ARID5B: variants seen among roughly 807,000 people sequenced by gnomAD.
ARID5B encodes the protein AT-rich interaction domain 5B.
ARID5B carries 13 observed loss-of-function variants against 97.2 expected under a neutral mutation model. The observed-to-expected ratio is 0.13, with a 90% CI of 0.09 to 0.21. The LOEUF (loss-of-function observed/expected upper bound fraction) is 0.21. Ranked by LOEUF, ARID5B falls within the 10% of genes least tolerant of loss-of-function variation. The pLI is 1.00. For synonymous variants in ARID5B, 556 were observed against 570.3 expected (o/e 0.97, Z 0.36); for missense variants, 1,210 against 1,465.3 (o/e 0.83, Z 2.84).
intron 8 of ARID5B, among the ~76,000 whole-genome samples, chr10:62,072,324 A>G (rs1321843925): frequency 6.6e-6 from 1 of 152,192 alleles, no homozygotes; most frequent in Non-Finnish European, 1.5e-5. Context: ...TGCATTGTGG[A>G]GTTGACACTT....
intron 2 of ARID5B, among the ~76,000 whole-genome samples, chr10:61,927,959 G>T (rs780202287): frequency 4.6e-5 from 7 of 152,198 alleles, no homozygotes; most frequent in African/African-American, 7.2e-5. Flanking sequence ...CATTAACAGA[G>T]GCCCTGGGCA....
intron 9 of ARID5B, among the ~76,000 whole-genome samples, chr10:62,086,639 T>G (rs1464233264): frequency 7.0e-6 from 1 of 142,896 alleles, no homozygotes; most frequent in African/African-American, 2.6e-5. Context: ...AGGCAGAGCT[T>G]GCAGTGAGCT....
At chr10:61,908,941 C>T (rs565972609) in intron 2 of ARID5B, among the ~76,000 whole-genome samples, 1 of 151,986 alleles carries the variant, frequency 6.6e-6, no homozygotes, top group South Asian at 2.1e-4. Context: ...TAAGTTGAGA[C>T]GAACTGAGAT....
chr10:62,010,814 C>G (rs371867809), intron 4 of ARID5B, among the ~76,000 whole-genome samples: 56 of 152,320 alleles, frequency 3.7e-4, no homozygotes, highest in African/African-American at 1.3e-3. Context: ...AGGTCACTAA[C>G]AACCTTTCCA....
At chr10:62,034,980 C>T (rs1037632241) in intron 4 of ARID5B, among the ~76,000 whole-genome samples, 1 of 152,166 alleles carries the variant, frequency 6.6e-6, no homozygotes, top group African/African-American at 2.4e-5. Flanking sequence ...GAGCCAGTAG[C>T]CCGGTGGGCT....
chr10:62,002,095 G>A (rs1278174508), intron 4 of ARID5B, among the ~76,000 whole-genome samples: 1 of 152,112 alleles, frequency 6.6e-6, no homozygotes, highest in Non-Finnish European at 1.5e-5. Context: ...CCTCATTTAA[G>A]AGTGTTCAAA....
intron 4 of ARID5B, among the ~76,000 whole-genome samples, chr10:62,018,115 C>G (rs769340584): frequency 2.0e-5 from 3 of 152,166 alleles, no homozygotes; most frequent in Non-Finnish European, 4.4e-5. Context: ...TTTAAATGAT[C>G]TCTGCAAGGT....
chr10:62,066,845 T>G (rs1018982976), intron 7 of ARID5B, among the ~76,000 whole-genome samples: 1 of 152,262 alleles, frequency 6.6e-6, no homozygotes, highest in East Asian at 1.9e-4. Flanking sequence ...TTTTCACAAT[T>G]TATATTATTT....
intron 8 of ARID5B, among the ~76,000 whole-genome samples, chr10:62,084,672 TC>T (rs1840258000): frequency 6.6e-6 from 1 of 152,242 alleles, no homozygotes; most frequent in South Asian, 2.1e-4. Context: ...ATGCAATCCA[TC>T]CCTTTTAATT....
chr10:62,080,376 T>G (rs1840196475), intron 8 of ARID5B, among the ~76,000 whole-genome samples: 1 of 152,164 alleles, frequency 6.6e-6, no homozygotes, highest in Non-Finnish European at 1.5e-5. Context: ...GAGGAAACAT[T>G]CTCATTTCTC....
chr10:61,948,380 A>ATTTTTTTTTTTTTTTTT lies in ARID5B; in HGVS notation c.502+7976_502+7992dup, dbSNP rs71470784. Among the ~76,000 whole-genome samples the ATTTTTTTTTTTTTTTTT allele has an allele frequency of 1.4e-4, 12 of 86,192 alleles. 1 individual carries two copies. The highest frequency in any genetic ancestry group is 1.5e-4 in the Non-Finnish European group (7 of 45,638). The allele number at this position is 86,192 out of a possible 152,430, so 56.5% of individuals were successfully genotyped here. A position where few individuals can be genotyped will look rare whatever the true frequency, so the allele number is the denominator to read the frequency against. On this transcript the variant is annotated intron_variant, in intron 3 of 9. Coordinates refer to ENST00000279873, the MANE Select transcript of ARID5B (RefSeq NM_032199.3). ...CTTATCTTAGGATACACTTTAGGTA[A>ATTTTTTTTTTTTTTTTT]TTTTTTTTTTTTTTTTTTTTGAGAT...
chr10:62,047,471 C>T (rs1252317817), intron 4 of ARID5B, among the ~76,000 whole-genome samples: 5 of 152,050 alleles, frequency 3.3e-5, no homozygotes, highest in African/African-American at 1.2e-4. Flanking sequence ...CTGACTGAAG[C>T]CAGATATGCT....
At chr10:62,023,630 G>A (rs1002692009) in intron 4 of ARID5B, among the ~76,000 whole-genome samples, 10 of 152,044 alleles carry the variant, frequency 6.6e-5, no homozygotes, top group Admixed American at 2.6e-4. Flanking sequence ...GGTGAGATTA[G>A]GAAAGAAAAA....
At chr10:61,965,535 G>A (rs760953473) in intron 3 of ARID5B, among the ~76,000 whole-genome samples, 29 of 152,132 alleles carry the variant, frequency 1.9e-4, no homozygotes, top group East Asian at 5.8e-4. Context: ...GTTAGTATTC[G>A]GTACATTACT....
intron 3 of ARID5B, among the ~76,000 whole-genome samples, chr10:61,989,225 G>A (rs575391816): frequency 9.2e-5 from 14 of 152,146 alleles, no homozygotes; most frequent in Non-Finnish European, 1.5e-4. Flanking sequence ...CACCGTGTGC[G>A]GCCAGTAATC....
intron 2 of ARID5B, among the ~76,000 whole-genome samples, chr10:61,930,711 C>G (rs944844401): frequency 2.4e-5 from 1 of 41,766 alleles, no homozygotes; most frequent in African/African-American, 9.1e-5. Flanking sequence ...CAGAGCGAGA[C>G]TCCGCCTCAA....
At chr10:61,985,718 G>T (rs1279519092) in intron 3 of ARID5B, among the ~76,000 whole-genome samples, 2 of 152,066 alleles carry the variant, frequency 1.3e-5, no homozygotes, top group South Asian at 2.1e-4. Flanking sequence ...GGGTGCAATT[G>T]TGTGAGCTAC....
intron 4 of ARID5B, among the ~76,000 whole-genome samples, chr10:62,027,998 C>T (rs1367639575): frequency 6.6e-6 from 1 of 152,172 alleles, no homozygotes; most frequent in African/African-American, 2.4e-5. Flanking sequence ...CGCCTTGTCC[C>T]TGGTGTGCAT....
At chr10:61,990,728 C>T (rs1252678235) in intron 3 of ARID5B, among the ~76,000 whole-genome samples, 1 of 152,130 alleles carries the variant, frequency 6.6e-6, no homozygotes, top group Non-Finnish European at 1.5e-5. Context: ...AGATGTTCCC[C>T]TCTTTGTCAT....
Sources: allele counts gnomAD v4.1 joint callset (sites outside exome capture counted in the v4.1 genomes callset), GRCh38; gene constraint gnomAD v4.1.1; transcripts MANE v1.5; gene names NCBI Gene and HGNC (gene_info 2026-07-23, HGNC 2026-07-21).